GRIA4: variants seen among roughly 807,000 people sequenced by gnomAD.
GRIA4 encodes glutamate receptor 4.
Under a neutral mutation model 104.0 loss-of-function variants are expected in GRIA4, and 34 were observed. That is an observed-to-expected ratio of 0.33 (90% CI 0.25 to 0.44). The LOEUF is 0.44. Among genes scored for constraint, GRIA4 ranks in the 20% least tolerant of loss-of-function variants. GRIA4 has a pLI of 1.00. For synonymous variants in GRIA4, 386 were observed against 381.9 expected (o/e 1.01, Z -0.13); for missense variants, 750 against 1,096.5 (o/e 0.68, Z 4.46).
chr11:105,612,588 G>T (rs915428093), intron 3 of GRIA4, 154 bp downstream of exon 3: 6 of 540,876 alleles, frequency 1.1e-5, no homozygotes, highest in Non-Finnish European at 1.6e-5. Flanking sequence ...ACAAGACTTC[G>T]TTTCAGGGAT....
intron 3 of GRIA4, among the ~76,000 whole-genome samples, chr11:105,704,039 TATAAATATACTGAATGCTTATTCA>T (rs879429119): frequency 4.6e-4 from 70 of 152,316 alleles, no homozygotes; most frequent in Non-Finnish European, 8.8e-4. Flanking sequence ...CCTCTATGTC[TATAAATATACTGAATGCTTATTCA>T]ATACAAATTA....
At chr11:105,646,234 G>A (rs1951523204) in intron 3 of GRIA4, among the ~76,000 whole-genome samples, 1 of 152,102 alleles carries the variant, frequency 6.6e-6, no homozygotes, top group South Asian at 2.1e-4. Flanking sequence ...CAGAAAATTT[G>A]GTCAAATACA....
chr11:105,842,507 T>C (rs1264001861), intron 4 of GRIA4, among the ~76,000 whole-genome samples: 2 of 152,178 alleles, frequency 1.3e-5, no homozygotes, highest in East Asian at 1.9e-4. Flanking sequence ...AGTTTCCATG[T>C]ATATGTTGAA....
At chr11:105,960,816 G>C (rs1948725053) in intron 14 of GRIA4, among the ~76,000 whole-genome samples, 1 of 152,204 alleles carries the variant, frequency 6.6e-6, no homozygotes, top group African/African-American at 2.4e-5. Context: ...AAAAAGCACA[G>C]TTTCCCCGGA....
chr11:105,853,799 G>A (rs932382898), intron 4 of GRIA4, among the ~76,000 whole-genome samples: 1 of 152,018 alleles, frequency 6.6e-6, no homozygotes, highest in African/African-American at 2.4e-5. Flanking sequence ...TTCTGGAGTT[G>A]GTCTAAGTGA....
intron 3 of GRIA4, among the ~76,000 whole-genome samples, chr11:105,688,707 T>C (rs183739138): frequency 6.6e-5 from 10 of 152,320 alleles, no homozygotes; most frequent in Admixed American, 5.2e-4. Context: ...TAGAGAGGCA[T>C]AGTTTTCATG....
chr11:105,871,413 T>C (rs73540999), intron 5 of GRIA4, among the ~76,000 whole-genome samples: 13,861 of 151,520 alleles, frequency 0.091, 685 homozygotes, highest in Non-Finnish European at 0.12. Flanking sequence ...CCACAGCAAA[T>C]AGGTCAATCT....
At chr11:105,821,213 TAAC>T (rs1317745619) in intron 4 of GRIA4, among the ~76,000 whole-genome samples, 1 of 152,232 alleles carries the variant, frequency 6.6e-6, no homozygotes, top group Non-Finnish European at 1.5e-5. Flanking sequence ...CAGAAAATAA[TAAC>T]AACAATATAG....
chr11:105,791,462 C>T (rs1942212333), intron 4 of GRIA4, among the ~76,000 whole-genome samples: 1 of 152,106 alleles, frequency 6.6e-6, no homozygotes. Flanking sequence ...AAAAATATTA[C>T]AGATGCATTA....
At position 105,826,692 on chromosome 11, in the gene GRIA4, A is replaced by G. The variant is rs116124883; in HGVS notation, c.488-35332A>G. Among the ~76,000 whole-genome samples, 1,494 of 152,040 alleles carry G rather than the reference A, an allele frequency of 9.8e-3. 30 individuals are homozygous for G. The highest frequency in any genetic ancestry group is 0.035 in the African/African-American group (1,433 of 41,492). ...AAGTCACATATTTCTCGCCTTTCTC[A>G]CTCAGCGAGGGTTTGCGATTCTGGA... On this transcript the variant is annotated intron_variant, in intron 4 of 16. Coordinates refer to ENST00000282499, the MANE Select transcript of GRIA4 (RefSeq NM_000829.4).
intron 3 of GRIA4, among the ~76,000 whole-genome samples, chr11:105,651,353 C>G (rs1951681397): frequency 8.3e-6 from 1 of 120,774 alleles, no homozygotes; most frequent in Non-Finnish European, 1.9e-5. Flanking sequence ...TCTGTGATTC[C>G]CAAACCTGCA....
intron 3 of GRIA4, among the ~76,000 whole-genome samples, chr11:105,732,635 T>C (rs902037088): frequency 2.6e-5 from 4 of 152,134 alleles, no homozygotes; most frequent in Admixed American, 2.0e-4. Flanking sequence ...TTGATGAAGC[T>C]AGGATTCTAC....
At chr11:105,973,801 T>C (rs1410795223) in intron 15 of GRIA4, among the ~76,000 whole-genome samples, 1 of 152,122 alleles carries the variant, frequency 6.6e-6, no homozygotes, top group East Asian at 1.9e-4. Context: ...ATGAACAAAA[T>C]GTGAAACCAT....
At chr11:105,646,299 A>G (rs1951525365) in intron 3 of GRIA4, among the ~76,000 whole-genome samples, 1 of 152,186 alleles carries the variant, frequency 6.6e-6, no homozygotes, top group Admixed American at 6.6e-5. Flanking sequence ...ATAATTGTTT[A>G]CACAGTAATT....
chr11:105,641,286 G>A (rs1425943755), intron 3 of GRIA4, among the ~76,000 whole-genome samples: 3 of 151,914 alleles, frequency 2.0e-5, no homozygotes, highest in Non-Finnish European at 4.4e-5. Context: ...TAGACCTAAG[G>A]GCAGGTCTTA....
intron 3 of GRIA4, among the ~76,000 whole-genome samples, chr11:105,748,528 A>G (rs1388487779): frequency 6.6e-6 from 1 of 152,060 alleles, no homozygotes; most frequent in Non-Finnish European, 1.5e-5. Flanking sequence ...GATTACGGGC[A>G]TGTGCCAGCA....
intron 4 of GRIA4, among the ~76,000 whole-genome samples, chr11:105,756,717 A>G (rs1940331885): frequency 6.6e-6 from 1 of 151,194 alleles, no homozygotes; most frequent in East Asian, 1.9e-4. Flanking sequence ...CACTGGGATG[A>G]AGAGGAGTTT....
At chr11:105,652,807 T>C (rs1349097960) in intron 3 of GRIA4, among the ~76,000 whole-genome samples, 5 of 152,206 alleles carry the variant, frequency 3.3e-5, no homozygotes, top group Non-Finnish European at 7.3e-5. Flanking sequence ...ACTCTCCACA[T>C]ACACTATGCT....
At chr11:105,845,767 C>A (rs540460073) in intron 4 of GRIA4, among the ~76,000 whole-genome samples, 2 of 151,962 alleles carry the variant, frequency 1.3e-5, no homozygotes, top group South Asian at 2.1e-4. Context: ...GCCTGTAGTC[C>A]CAGCTAGTTG....
Sources: gnomAD v4.1 joint callset for allele counts (sites outside exome capture counted in the v4.1 genomes callset) on GRCh38, gnomAD v4.1.1 for gene constraint, MANE v1.5 for transcripts, NCBI Gene and HGNC (gene_info 2026-07-23, HGNC 2026-07-21) for gene names.